Variants in PRRT1 observed in about 807,000 individuals in gnomAD.
PRRT1 encodes the protein proline-rich transmembrane protein 1.
Under a neutral mutation model 22.6 loss-of-function variants are expected in PRRT1, and 8 were observed. The observed-to-expected ratio is 0.35, with a 90% CI of 0.21 to 0.64. The LOEUF is 0.64. Among genes scored for constraint, PRRT1 ranks in the 30% least tolerant of loss-of-function variants. PRRT1 has a pLI of 0.69. For missense variants in PRRT1, 315 were observed against 444.5 expected (o/e 0.71, Z 2.62); for synonymous variants, 176 against 203.6 (o/e 0.86, Z 1.15).
At chr6:32,151,778 AG>A in intron 1 of PRRT1, 30 bp downstream of exon 1, 1 of 1,399,894 alleles carries the variant, frequency 7.1e-7, no homozygotes, top group Non-Finnish European at 9.6e-7. Flanking sequence ...GAGACAGTGG[AG>A]GGGGTGGGAG....
chr6:32,151,285 T>A (rs1783258653), intron 1 of PRRT1: 2 of 497,308 alleles, frequency 4.0e-6, no homozygotes. Context: ...AACCCTGTGT[T>A]AATATGTGCT....
upstream of PRRT1, chr6:32,152,894 C>T (rs1783424880): frequency 7.0e-6 from 1 of 142,454 alleles, no homozygotes; most frequent in East Asian, 2.0e-4. Context: ...TGGAGATTTA[C>T]ACCAGTTTTT....
Position 32,151,765 on chromosome 6 carries a change from C to G in PRRT1, c.19+44G>C, listed in dbSNP as rs1276911676. On this transcript the variant is annotated intron_variant, in intron 1 of 3. Transcript: ENST00000211413. Reference sequence around the variant, plus strand: ...GGTTGGGGCAAGGGGGACGGAGAGTCTGGAGACAGTGGAGGGGGTGGGAGG... The same window carrying G: ...GGTTGGGGCAAGGGGGACGGAGAGTGTGGAGACAGTGGAGGGGGTGGGAGG... 2.1e-6 allele frequency: 3 copies of G among 1,441,230 alleles called. No homozygotes were observed. The African/African-American group carries it at 4.7e-5, about 23-fold the overall frequency. The allele number at this position is 1,441,230 out of a possible 1,614,324, so 89.3% of individuals were successfully genotyped here.
Position 32,150,746 on chromosome 6 carries a change from C to T in PRRT1, c.180G>A (p.Gly60=), listed in dbSNP as rs1358588382. The change falls in exon 2 of 4, where the codon GGG becomes GGA. Residue 60 remains glycine, a synonymous_variant. Transcript: ENST00000211413. The surrounding 1 kb of genome is among the most constrained non-coding windows in gnomAD (Gnocchi z 7.2). ...QSGTATLPRL[G]AGGLASSAAT... ...CCGCGGAAGAGGCCAGGCCCCCTGC[C>T]CCTAAGCGCGGGAGGGTGGCGGTGC... is the stretch of plus-strand genomic sequence containing the variant. 6.6e-7 allele frequency: 1 copy of T among 1,525,960 alleles called. No homozygotes were observed. The highest frequency in any genetic ancestry group is 1.3e-5 in the South Asian group (1 of 78,952). The allele number at this position is 1,525,960 out of a possible 1,614,324, so 94.5% of individuals were successfully genotyped here.
chr6:32,151,262 T>C (rs1483740451), intron 1 of PRRT1: 1 of 539,494 alleles, frequency 1.9e-6, no homozygotes. Context: ...TGTGTGCGTA[T>C]GCGTAGACAT....
At chr6:32,152,000 G>GGGA, upstream of PRRT1, 3 of 350,434 alleles carry the variant, frequency 8.6e-6, no homozygotes, top group Admixed American at 3.0e-5. Flanking sequence ...GGGAGGGGGG[G>GGGA]AGCTTAAAGG....
rs762107100 is a variant in PRRT1, at chr6:32,150,357, C to T, written c.558+11G>A. 1 of 1,554,418 alleles carries T rather than the reference C, an allele frequency of 6.4e-7. No homozygotes were observed. Among genetic ancestry groups the T allele is most frequent in the Admixed American group, 2.0e-5 (1 of 48,822 alleles). On this transcript the variant is annotated intron_variant, in intron 2 of 3. Coordinates refer to ENST00000211413, the MANE Select transcript of PRRT1 (RefSeq NM_030651.4). This position sits in a 1 kb window ranked among gnomAD's most constrained non-coding sequence, Gnocchi z 7.2. ...CCCTCTTTCCCATGTCCCTGTCTGC[C>T]CGGCACTCACCGTGCCCACCGGGTA...
chr6:32,149,770 C>T lies in PRRT1; in HGVS notation c.559-48G>A. On this transcript the variant is annotated intron_variant, in intron 2 of 3. Coordinates refer to ENST00000211413, the MANE Select transcript of PRRT1 (RefSeq NM_030651.4). This position sits in a 1 kb window ranked among gnomAD's most constrained non-coding sequence, Gnocchi z 8.7. Reference sequence around the variant, plus strand: ...CAGGGGCATCACTCTGACCCTCTCCCAGCCTACCAGCGTTGGGCGGCTGGC... The same window carrying T: ...CAGGGGCATCACTCTGACCCTCTCCTAGCCTACCAGCGTTGGGCGGCTGGC... 1 of 1,270,054 alleles carries T rather than the reference C, an allele frequency of 7.9e-7. No homozygotes were observed. The highest frequency in any genetic ancestry group is 1.5e-5 in the South Asian group (1 of 68,692). 78.7% of individuals were successfully genotyped at this position (1,270,054 alleles called of 1,614,324 possible).
chr6:32,150,554 CG>C lies in PRRT1; in HGVS notation c.371del (p.Pro124ArgfsTer41). 3.7e-6 allele frequency: 5 copies of C among 1,359,448 alleles called. No homozygotes were observed. Among genetic ancestry groups the C allele is most frequent in the Non-Finnish European group, 3.8e-6 (4 of 1,059,158 alleles). The allele number at this position is 1,359,448 out of a possible 1,614,324, so 84.2% of individuals were successfully genotyped here. A position where few individuals can be genotyped will look rare whatever the true frequency, so the allele number is the denominator to read the frequency against. On this transcript the variant is annotated frameshift_variant, in exon 2 of 4. Transcript: ENST00000211413. LOFTEE classifies it high-confidence loss of function. This position sits in a 1 kb window ranked among gnomAD's most constrained non-coding sequence, Gnocchi z 7.2. Reference protein sequence around the residue: ...QETRFEGPLPPPPPAAAAPPP... With the variant: ...QETRFEGPLPXPPPAAAAPPP... The stretch of plus-strand genomic sequence containing the variant: ...GCGGGGCGGCGGCAGCGGGCGGCGG[CG>C]GGGGAAGTGGGCCCTCGAAGCGAGT...
Position 32,150,588 on chromosome 6 carries a change from A to T in PRRT1, c.338T>A (p.Leu113Gln). The T allele has an allele frequency of 5.8e-6, 8 of 1,370,108 alleles. No homozygotes were observed. Among genetic ancestry groups the T allele is most frequent in the Non-Finnish European group, 7.5e-6 (8 of 1,064,780 alleles). The allele number at this position is 1,370,108 out of a possible 1,614,324, so 84.9% of individuals were successfully genotyped here. A position where few individuals can be genotyped will look rare whatever the true frequency, so the allele number is the denominator to read the frequency against. ...TGGGCCCTCGAAGCGAGTCTCCTGC[A>T]GGTAAGGGTCGGGTGGCATGCGGGG... ...TLPRMPPDPY[L>Q]QETRFEGPLP... is the part of the protein sequence containing the mutation. Residue 113 changes from leucine to glutamine, a missense_variant, in exon 2 of 4, where the codon CTG becomes CAG. By Grantham distance (113) the Leu-to-Gln change is moderately radical (BLOSUM62 -2). This residue lies in a region of PRRT1 where 263 missense variants were observed against 328.5 expected (regional missense o/e 0.80). Coordinates refer to ENST00000211413, the MANE Select transcript of PRRT1 (RefSeq NM_030651.4). The surrounding 1 kb of genome is among the most constrained non-coding windows in gnomAD (Gnocchi z 7.2).
At position 32,150,653 on chromosome 6, in the gene PRRT1, G is replaced by T; in HGVS notation, c.273C>A (p.Gly91=). 1 of 1,422,954 alleles carries T rather than the reference G, an allele frequency of 7.0e-7. No homozygotes were observed. The highest frequency in any genetic ancestry group is 1.5e-5 in the South Asian group (1 of 65,468). 88.1% of individuals were successfully genotyped at this position (1,422,954 alleles called of 1,614,324 possible). ...CGGGTGGGGGTGCCCCGGCAGCAGG[G>T]CCGGGAGGGGCGTGGTGGGGGGGCC... ...LPRPPHHAPP[G]PAAGAPPPGC... is the part of the protein sequence containing the mutation. Residue 91 remains glycine (G), a synonymous_variant, in exon 2 of 4, where the codon GGC becomes GGA. Transcript: ENST00000211413. This position sits in a 1 kb window ranked among gnomAD's most constrained non-coding sequence, Gnocchi z 7.2.
Position 32,150,340 on chromosome 6 carries a change from C to T in PRRT1, c.558+28G>A. 1 of 1,549,064 alleles carries T rather than the reference C, an allele frequency of 6.5e-7. No homozygotes were observed. Among genetic ancestry groups the T allele is most frequent in the Non-Finnish European group, 8.7e-7 (1 of 1,155,552 alleles). ...AGTCCTGTATCGCGTCCCCCTCTTTCCCATGTCCCTGTCTGCCCGGCACTC... is the reference window on the plus strand; with the variant it reads ...AGTCCTGTATCGCGTCCCCCTCTTTTCCATGTCCCTGTCTGCCCGGCACTC... On this transcript the variant is annotated intron_variant, in intron 2 of 3. Transcript: ENST00000211413. The surrounding 1 kb of genome is among the most constrained non-coding windows in gnomAD (Gnocchi z 7.2).
At chr6:32,152,614 T>C (rs115077306), upstream of PRRT1, among the ~76,000 whole-genome samples, 2,917 of 151,940 alleles carry the variant, frequency 0.019, 65 homozygotes, top group African/African-American at 0.043. Context: ...GGGTAGGGGG[T>C]ATGACTTAAC....
Position 32,151,798 on chromosome 6 carries a change from ATTG to A in PRRT1, c.19+8_19+10del, listed in dbSNP as rs780488883. On this transcript the variant is annotated splice_region_variant and intron_variant, in intron 1 of 3. Transcript: ENST00000211413. The stretch of plus-strand genomic sequence containing the variant: ...AGTGGAGGGGGTGGGAGGTTTTGTT[ATTG>A]TTTTTACCTGACTTTTCGGATGACA... 30 of 1,605,898 alleles carry A rather than the reference ATTG, an allele frequency of 1.9e-5. No individual in the cohort carries two copies. In the African/African-American group the frequency reaches 3.1e-4, roughly 17 times the overall value.
Position 32,148,541 on chromosome 6 carries a change from G to A in PRRT1, c.*681C>T, listed in dbSNP as rs1171160461. 1 of 333,166 alleles carries A rather than the reference G, an allele frequency of 3.0e-6. No homozygotes were observed. Among genetic ancestry groups the A allele is most frequent in the Non-Finnish European group, 6.0e-6 (1 of 166,930 alleles). 20.6% of individuals were successfully genotyped at this position (333,166 alleles called of 1,614,324 possible). On this transcript the variant is annotated 3_prime_UTR_variant, in exon 4 of 4. Transcript: ENST00000211413. This position sits in a 1 kb window ranked among gnomAD's most constrained non-coding sequence, Gnocchi z 5.7. Reference sequence around the variant, plus strand: ...GGGTGGAAGGGAGTATTTACAGAGCGTTTACAGGCAGGTTTCTTATCCCAG... The same window carrying A: ...GGGTGGAAGGGAGTATTTACAGAGCATTTACAGGCAGGTTTCTTATCCCAG...
chr6:32,151,557 A>G, intron 1 of PRRT1: 1 of 572,174 alleles, frequency 1.7e-6, no homozygotes, highest in Non-Finnish European at 3.1e-6. Context: ...ACCTGGCTGT[A>G]CCTCCTTCAC....
In PRRT1 at chr6:32,149,186, C is replaced by A. The variant is rs1358529622; in HGVS notation, c.*36G>T. On this transcript the variant is annotated 3_prime_UTR_variant, in exon 4 of 4. Coordinates refer to ENST00000211413, the MANE Select transcript of PRRT1 (RefSeq NM_030651.4). This position sits in a 1 kb window ranked among gnomAD's most constrained non-coding sequence, Gnocchi z 8.7. ...TGACTGCAGAAAGAGCCTGGGAGATCGAGGGGCGCAGAGTGGGGCCGGACC... is the reference window on the plus strand; with the variant it reads ...TGACTGCAGAAAGAGCCTGGGAGATAGAGGGGCGCAGAGTGGGGCCGGACC... 6.9e-6 allele frequency: 11 copies of A among 1,605,142 alleles called. No individual in the cohort carries two copies. In the Admixed American group the frequency reaches 1.5e-4, roughly 22 times the overall value.
upstream of PRRT1, chr6:32,151,951 CGGG>C (rs1252634774): frequency 8.3e-4 from 179 of 214,742 alleles, no homozygotes; most frequent in Admixed American, 1.9e-3. Flanking sequence ...AAGGCAGCGG[CGGG>C]GGGGGGGGGC....
chr6:32,150,875 C>T lies in PRRT1; in HGVS notation c.51G>A (p.Pro17=). ...GAGGCTGAGGGGCATTGTAGGGCGG[C>T]GGAGAAGTGTGAGGGACTGAGTCTG... ...GLPDSVPHTS[P]PPYNAPQPPA... is the part of the protein sequence containing the mutation. The change falls in exon 2 of 4, where the codon CCG becomes CCA. Residue 17 remains proline, a synonymous_variant. Transcript: ENST00000211413. This position sits in a 1 kb window ranked among gnomAD's most constrained non-coding sequence, Gnocchi z 7.2. The T allele has an allele frequency of 1.3e-6, 2 of 1,581,798 alleles. No homozygotes were observed. Among genetic ancestry groups the T allele is most frequent in the Non-Finnish European group, 1.7e-6 (2 of 1,168,118 alleles).
Sources: gnomAD v4.1 joint callset for allele counts (sites outside exome capture counted in the v4.1 genomes callset) on GRCh38, gnomAD v4.1.1 for gene constraint, gnomAD v4.1.1 regional missense constraint, Gnocchi (gnomAD v3.1) non-coding constraint, MANE v1.5 for transcripts, NCBI Gene and HGNC (gene_info 2026-07-23, HGNC 2026-07-21) for gene names.